The following SUPV3L1 variants were observed in gnomAD, a reference collection of about 807,000 sequenced individuals.
SUPV3L1 encodes the protein Suv3 like RNA helicase, also known as ATP-dependent RNA helicase SUPV3L1, mitochondrial.
Under a neutral mutation model 70.0 loss-of-function variants are expected in SUPV3L1, and 35 were observed. The ratio of observed to expected loss-of-function variants is 0.50; its 90% CI spans 0.38 to 0.66. The LOEUF is 0.66. SUPV3L1 is among the 30% of genes least tolerant of loss of function. The pLI is 0.00. For missense variants in SUPV3L1, 777 were observed against 961.5 expected, an observed-to-expected ratio of 0.81 and a Z score of 2.54; for synonymous variants, 364 against 341.9, an observed-to-expected ratio of 1.06 and a Z score of -0.71.
At chr10:69,191,582 A>ACACC (rs933030653) in intron 5 of SUPV3L1, 73 bp from the exon 6 acceptor site, 7 of 1,275,040 alleles carry the variant, frequency 5.5e-6, no homozygotes, top group Non-Finnish European at 7.9e-6. Context: ...AGTGGAGAGA[A>ACACC]CACCCTGTTA....
chr10:69,189,271 C>G lies in SUPV3L1; in HGVS notation c.577C>G (p.Pro193Ala), dbSNP rs753141164. ...GTTTACCTACTCATGTTTTAGGTAC[C>G]CAGATGCTAGAGCCATGCAGCGGAA... is the stretch of plus-strand genomic sequence containing the variant. ...SDLRIPPNWY[P>A]DARAMQRKII... is the part of the protein sequence containing the mutation. Residue 193 changes from proline to alanine, a missense_variant, in exon 5 of 15, where the codon CCA (proline) becomes GCA (alanine). Physicochemically the swap from Pro to Ala is conservative, Grantham distance 27. Around this residue, in one of 2 missense-constraint regions of SUPV3L1, gnomAD observed 619 missense variants for 823.3 expected, o/e 0.75. Coordinates refer to ENST00000359655, the MANE Select transcript of SUPV3L1 (RefSeq NM_003171.5). The G allele has an allele frequency of 1.2e-6, 2 of 1,611,392 alleles. No homozygotes were observed. The highest frequency in any genetic ancestry group is 1.1e-5 in the South Asian group (1 of 90,430).
At chr10:69,207,716 T>C in intron 13 of SUPV3L1, 77 bp from the exon 14 acceptor site, 1 of 1,479,744 alleles carries the variant, frequency 6.8e-7, no homozygotes, top group Non-Finnish European at 9.0e-7. Context: ...TTTTGCTTTC[T>C]TTTTTTTCTC....
intron 9 of SUPV3L1, among the ~76,000 whole-genome samples, 171 bp downstream of exon 9, chr10:69,198,723 T>C (rs892731949): frequency 6.6e-6 from 1 of 152,236 alleles, no homozygotes; most frequent in Non-Finnish European, 1.5e-5. Context: ...TTAGTGGAAA[T>C]AGAAGTATTT....
At chr10:69,207,476 A>G (rs12780778) in intron 13 of SUPV3L1, among the ~76,000 whole-genome samples, 33,886 of 151,876 alleles carry the variant, frequency 0.22, 4,042 homozygotes, top group African/African-American at 0.25. Flanking sequence ...CACCATGCCC[A>G]GCTAATTCTT....
intron 5 of SUPV3L1, among the ~76,000 whole-genome samples, chr10:69,189,936 G>A (rs888038798): frequency 7.9e-5 from 12 of 152,084 alleles, no homozygotes; most frequent in African/African-American, 2.7e-4. Flanking sequence ...GTGAGCCACC[G>A]CACCCAGCTC....
chr10:69,198,480 ATTT>A lies in SUPV3L1; in HGVS notation c.1133_1135del (p.Ile378_Tyr379delinsAsn). 2.5e-6 allele frequency: 4 copies of A among 1,614,066 alleles called. No homozygotes were observed. The highest frequency in any genetic ancestry group is 3.4e-6 in the Non-Finnish European group (4 of 1,179,994). On this transcript the variant is annotated inframe_deletion, in exon 9 of 15. Coordinates refer to ENST00000359655, the MANE Select transcript of SUPV3L1 (RefSeq NM_003171.5). The stretch of plus-strand genomic sequence containing the variant: ...CATTGTCTGTTTTAGCAAGAATGAT[ATTT>A]ATTCTGTGAGTCGGCAGATTGAAAT...
intron 13 of SUPV3L1, 122 bp from the exon 14 acceptor site, chr10:69,207,671 C>A: frequency 1.7e-6 from 2 of 1,200,286 alleles, no homozygotes; most frequent in Non-Finnish European, 2.3e-6. Flanking sequence ...AGAAAAGAAA[C>A]CACCTGTCTA....
intron 4 of SUPV3L1, among the ~76,000 whole-genome samples, chr10:69,188,961 G>T (rs557716912): frequency 6.6e-6 from 1 of 152,336 alleles, no homozygotes; most frequent in South Asian, 2.1e-4. Context: ...TGTGAACATA[G>T]TATGGAACTG....
intron 1 of SUPV3L1, among the ~76,000 whole-genome samples, chr10:69,182,960 A>G (rs937105265): frequency 6.6e-6 from 1 of 152,062 alleles, no homozygotes; most frequent in African/African-American, 2.4e-5. Context: ...TCACTAATTC[A>G]GTATTCCTCT....
intron 1 of SUPV3L1, among the ~76,000 whole-genome samples, chr10:69,185,702 A>G (rs967321662): frequency 6.6e-6 from 1 of 151,894 alleles, no homozygotes; most frequent in African/African-American, 2.4e-5. Context: ...GGGTTTCACC[A>G]TGTTAGCCAG....
chr10:69,182,915 T>C (rs555723518), intron 1 of SUPV3L1, among the ~76,000 whole-genome samples: 1 of 152,204 alleles, frequency 6.6e-6, no homozygotes, highest in South Asian at 2.1e-4. Flanking sequence ...CCTTATTCTG[T>C]GCTGTCTATG....
chr10:69,199,320 G>T (rs1169596421), intron 10 of SUPV3L1, 123 bp downstream of exon 10: 1 of 742,800 alleles, frequency 1.3e-6, no homozygotes, highest in Non-Finnish European at 2.2e-6. Context: ...AATATTATAG[G>T]CTAGATTTGA....
intron 11 of SUPV3L1, among the ~76,000 whole-genome samples, chr10:69,201,537 CTTT>C (rs35634841): frequency 5.1e-5 from 7 of 137,550 alleles, no homozygotes; most frequent in Non-Finnish European, 4.7e-5. Context: ...TTTTTCTTTC[CTTT>C]TTTTTTTTTT....
chr10:69,205,953 C>T (rs1472177510), intron 13 of SUPV3L1, among the ~76,000 whole-genome samples: 2 of 152,158 alleles, frequency 1.3e-5, no homozygotes, highest in African/African-American at 4.8e-5. Context: ...ACTTAGGATG[C>T]CCCTTAGGAC....
At chr10:69,182,612 C>G in intron 1 of SUPV3L1, 5 of 985,384 alleles carry the variant, frequency 5.1e-6, no homozygotes, top group Non-Finnish European at 6.0e-6. Context: ...AGATTTTCTT[C>G]TGGTGGAGAA....
Position 69,198,532 on chromosome 10 carries a change from T to C in SUPV3L1, c.1184T>C (p.Ile395Thr), listed in dbSNP as rs769967478. 8 of 1,613,844 alleles carry C rather than the reference T, an allele frequency of 5.0e-6. No homozygotes were observed. The South Asian group carries it at 5.5e-5, about 11-fold the overall frequency. ...IEIRGLESAVIYGSLPPGTKL... is the reference protein window; with the variant it reads ...IEIRGLESAVTYGSLPPGTKL... Reference sequence around the variant, plus strand: ...ATTCGGGGATTAGAATCAGCTGTTATATATGGCAGTCTCCCACCTGGTAAT... The same window carrying C: ...ATTCGGGGATTAGAATCAGCTGTTACATATGGCAGTCTCCCACCTGGTAAT... The change falls in exon 9 of 15, where the codon ATA becomes ACA. Residue 395 changes from isoleucine (I) to threonine (T), a missense_variant. Physicochemically the swap from Ile to Thr is moderately conservative, Grantham distance 89. This residue lies in a region of SUPV3L1 where 619 missense variants were observed against 823.3 expected (regional missense o/e 0.75). Transcript: ENST00000359655.
rs890544040 is a variant in SUPV3L1 at position 69,184,653 on chromosome 10, T to A, written c.272-1334T>A. Among the ~76,000 whole-genome samples the A allele has an allele frequency of 5.4e-4, 34 of 63,434 alleles. 1 individual carries two copies. The highest frequency in any genetic ancestry group is 2.5e-3 in the South Asian group (5 of 2,040). 41.6% of individuals were successfully genotyped at this position (63,434 alleles called of 152,430 possible). ...CACACACACACACACACACACACACTGTGTGTGTATGTGTATCTCATATTT... is the reference window on the plus strand; with the variant it reads ...CACACACACACACACACACACACACAGTGTGTGTATGTGTATCTCATATTT... On this transcript the variant is annotated intron_variant, in intron 1 of 14. Coordinates refer to ENST00000359655, the MANE Select transcript of SUPV3L1 (RefSeq NM_003171.5).
At chr10:69,195,541 A>T (rs1210445357) in intron 7 of SUPV3L1, among the ~76,000 whole-genome samples, 2 of 152,116 alleles carry the variant, frequency 1.3e-5, no homozygotes, top group Non-Finnish European at 2.9e-5. Context: ...GGTGTGTTTC[A>T]TGCTAGTCTT....
intron 8 of SUPV3L1, among the ~76,000 whole-genome samples, chr10:69,198,111 G>T (rs988456503): frequency 6.6e-6 from 1 of 152,090 alleles, no homozygotes; most frequent in African/African-American, 2.4e-5. Flanking sequence ...ACACATTGCC[G>T]TGAAAATGAA....
Sources: allele counts gnomAD v4.1 joint callset (sites outside exome capture counted in the v4.1 genomes callset), GRCh38; gene constraint gnomAD v4.1.1; regional missense constraint gnomAD v4.1.1; transcripts MANE v1.5; gene names NCBI Gene and HGNC (gene_info 2026-07-23, HGNC 2026-07-21).